The following STRN variants were observed in gnomAD, a reference collection of about 807,000 sequenced individuals.
STRN encodes protein phosphatase 2 regulatory subunit B'''alpha.
Under a neutral mutation model 96.3 loss-of-function variants are expected in STRN, and 53 were observed. The ratio of observed to expected loss-of-function variants is 0.55; its 90% CI spans 0.44 to 0.69. The LOEUF (loss-of-function observed/expected upper bound fraction) is 0.69, where lower values mean the gene tolerates loss of function less well. Ranked by LOEUF, STRN falls within the 30% of genes least tolerant of loss-of-function variation. The pLI is 0.00. For synonymous variants in STRN, 428 were observed against 355.9 expected (o/e 1.20, Z -2.28); for missense variants, 987 against 963.9 (o/e 1.02, Z -0.32).
intron 7 of STRN, 42 bp from the exon 8 acceptor site, chr2:36,886,868 A>T: frequency 6.7e-7 from 1 of 1,496,012 alleles, no homozygotes; most frequent in Non-Finnish European, 9.2e-7. Flanking sequence ...TTTCAATAAA[A>T]TATTGAACAC....
Position 36,899,630 on chromosome 2 carries a change from C to G in STRN, c.688G>C (p.Val230Leu). The change falls in exon 6 of 18, where the codon GTG becomes CTG. Residue 230 changes from valine (V) to leucine (L), a missense_variant. Transcript: ENST00000263918. ...AKSELTDSAS[V>L]LDNFKFLESA... Reference sequence around the variant, plus strand: ...TCAAGGAATTTGAAATTATCCAGCACGGAGGCAGAATCTGTTAACTCAGAT... The same window carrying G: ...TCAAGGAATTTGAAATTATCCAGCAGGGAGGCAGAATCTGTTAACTCAGAT... 1 of 1,612,198 alleles carries G rather than the reference C, an allele frequency of 6.2e-7. No homozygotes were observed. The highest frequency in any genetic ancestry group is 8.5e-7 in the Non-Finnish European group (1 of 1,179,172).
intron 1 of STRN, among the ~76,000 whole-genome samples, chr2:36,949,124 T>A (rs576502666): frequency 1.4e-4 from 21 of 152,322 alleles, no homozygotes; most frequent in Admixed American, 2.6e-4. Context: ...CAAATATTCG[T>A]CTTGTGTTAC....
At chr2:36,914,623 T>C (rs1413784563) in intron 3 of STRN, among the ~76,000 whole-genome samples, 2 of 152,194 alleles carry the variant, frequency 1.3e-5, no homozygotes, top group Non-Finnish European at 2.9e-5. Context: ...AATACACTAC[T>C]ACACTGAATT....
intron 2 of STRN, among the ~76,000 whole-genome samples, chr2:36,924,334 C>T (rs575049884): frequency 4.0e-5 from 5 of 126,314 alleles, no homozygotes; most frequent in South Asian, 2.5e-4. Context: ...CCAGCATGGG[C>T]GACAGAGTGA....
rs1670658507 is a variant in STRN at position 36,934,717 on chromosome 2, G to A, written c.235-9509C>T. Among the ~76,000 whole-genome samples, 4 of 152,158 alleles carry A rather than the reference G, an allele frequency of 2.6e-5. No homozygotes were observed. The South Asian group carries it at 8.3e-4, about 32-fold the overall frequency. On this transcript the variant is annotated intron_variant, in intron 1 of 17. Coordinates refer to ENST00000263918, the MANE Select transcript of STRN (RefSeq NM_003162.4). Reference sequence around the variant, plus strand: ...AACGGAAGAAGGCTATCGACAATCTGTTCCCATCCCCTCTATCTAGTTTTG... The same window carrying A: ...AACGGAAGAAGGCTATCGACAATCTATTCCCATCCCCTCTATCTAGTTTTG...
chr2:36,904,879 C>T (rs552282203), intron 4 of STRN, among the ~76,000 whole-genome samples: 1 of 151,304 alleles, frequency 6.6e-6, no homozygotes, highest in South Asian at 2.1e-4. Context: ...ATATGTTAGG[C>T]AATATTTGCA....
intron 7 of STRN, among the ~76,000 whole-genome samples, chr2:36,890,340 T>C (rs1435175548): frequency 6.6e-6 from 1 of 152,144 alleles, no homozygotes; most frequent in Non-Finnish European, 1.5e-5. Context: ...AAAAGAAGTG[T>C]CATTGGTACC....
intron 1 of STRN, among the ~76,000 whole-genome samples, chr2:36,945,107 C>T (rs772647984): frequency 4.0e-5 from 6 of 151,804 alleles, no homozygotes; most frequent in Non-Finnish European, 5.9e-5. Flanking sequence ...CATAAAACAT[C>T]ACAGCTGGAT....
intron 10 of STRN, among the ~76,000 whole-genome samples, chr2:36,872,533 G>GT (rs923816206): frequency 4.6e-5 from 7 of 152,138 alleles, no homozygotes; most frequent in African/African-American, 1.4e-4. Context: ...GATAATAAAT[G>GT]TTTTTTGTTT....
rs978263180 is a variant in STRN at position 36,944,651 on chromosome 2, C to CA, written c.235-19444dup. ...AAATTGCCAAAAATAAATTATAGAA[C>CA]AAAAAAAGAAAACTGTTCCTATTTG... On this transcript the variant is annotated intron_variant, in intron 1 of 17. Transcript: ENST00000263918. Among the ~76,000 whole-genome samples the CA allele has an allele frequency of 2.0e-4, 30 of 151,610 alleles. No individual in the cohort carries two copies. The Middle Eastern group carries it at 0.014, about 69-fold the overall frequency.
intron 1 of STRN, among the ~76,000 whole-genome samples, chr2:36,944,525 T>C (rs1406523217): frequency 1.3e-5 from 2 of 152,202 alleles, no homozygotes; most frequent in Non-Finnish European, 1.5e-5. Context: ...ATGTTCCTAG[T>C]AGAAACACAA....
chr2:36,855,238 A>C lies in STRN; in HGVS notation c.1952T>G (p.Leu651Arg), dbSNP rs150223939. Residue 651 changes from leucine to arginine, a missense_variant, in exon 15 of 18, where the codon CTC becomes CGC. Coordinates refer to ENST00000263918, the MANE Select transcript of STRN (RefSeq NM_003162.4). Reference protein sequence around the residue: ...IFNMETQQRILTLESNVDTTA... With the variant: ...IFNMETQQRIRTLESNVDTTA... ...TGTATCTACATTGGATTCTAAAGTG[A>C]GAATGCGTTGTTGTGTTTCCATGTT... 11 of 1,613,718 alleles carry C rather than the reference A, an allele frequency of 6.8e-6. No homozygotes were observed. Among genetic ancestry groups the C allele is most frequent in the Non-Finnish European group, 9.3e-6 (11 of 1,179,786 alleles).
chr2:36,915,232 AATATATATATATATATATATAT>A (rs72466696), intron 3 of STRN, among the ~76,000 whole-genome samples: 10 of 86,496 alleles, frequency 1.2e-4, no homozygotes, highest in South Asian at 4.7e-4. Context: ...TGAATACATA[AATATATATATATATATATATAT>A]ATATATATAT....
chr2:36,950,658 G>A (rs577606041), intron 1 of STRN, among the ~76,000 whole-genome samples: 1 of 152,152 alleles, frequency 6.6e-6, no homozygotes, highest in African/African-American at 2.4e-5. Context: ...CCAGTGCCTA[G>A]GAGAATGCCA....
chr2:36,872,561 G>T (rs1342467411), intron 10 of STRN, among the ~76,000 whole-genome samples: 1 of 152,138 alleles, frequency 6.6e-6, no homozygotes, highest in Non-Finnish European at 1.5e-5. Flanking sequence ...CTAAGTTTTG[G>T]CATAATTTGT....
intron 1 of STRN, among the ~76,000 whole-genome samples, chr2:36,947,140 C>T (rs1427867005): frequency 2.6e-5 from 4 of 152,154 alleles, no homozygotes; most frequent in Admixed American, 6.5e-5. Flanking sequence ...TCATGATCTG[C>T]CTGCCTCGGC....
chr2:36,923,601 T>G (rs1039053355), intron 2 of STRN, among the ~76,000 whole-genome samples: 9 of 152,170 alleles, frequency 5.9e-5, no homozygotes, highest in African/African-American at 2.2e-4. Context: ...ATTTTCAATC[T>G]CTTACACCAT....
intron 3 of STRN, among the ~76,000 whole-genome samples, chr2:36,906,768 A>G (rs1669831568): frequency 6.6e-6 from 1 of 151,992 alleles, no homozygotes; most frequent in Non-Finnish European, 1.5e-5. Context: ...TATCTACTAA[A>G]AATACAAAAA....
chr2:36,901,005 A>G (rs1244980715), intron 5 of STRN, among the ~76,000 whole-genome samples: 3 of 148,504 alleles, frequency 2.0e-5, no homozygotes, highest in Non-Finnish European at 4.5e-5. Flanking sequence ...ATTTTCCTGA[A>G]AAAAAAAAAA....
Sources: gnomAD v4.1 joint callset for allele counts (sites outside exome capture counted in the v4.1 genomes callset) on GRCh38, gnomAD v4.1.1 for gene constraint, MANE v1.5 for transcripts, NCBI Gene and HGNC (gene_info 2026-07-23, HGNC 2026-07-21) for gene names.